Variants in PDE3A observed in about 807,000 individuals in gnomAD.
PDE3A encodes cGMP-inhibited 3',5'-cyclic phosphodiesterase 3A.
PDE3A carries 43 observed loss-of-function variants against 98.3 expected under a neutral mutation model. The ratio of observed to expected loss-of-function variants is 0.44; its 90% CI spans 0.34 to 0.56. The LOEUF (loss-of-function observed/expected upper bound fraction) is 0.56, where lower values mean the gene tolerates loss of function less well. PDE3A is among the 20% of genes least tolerant of loss of function. PDE3A has a pLI of 0.01. For synonymous variants in PDE3A, 663 were observed against 567.9 expected, an observed-to-expected ratio of 1.17 and a Z score of -2.38; for missense variants, 1,427 against 1,440.7, an observed-to-expected ratio of 0.99 and a Z score of 0.15.
intron 1 of PDE3A, among the ~76,000 whole-genome samples, chr12:20,395,535 A>T (rs1441400885): frequency 6.1e-5 from 9 of 147,552 alleles, no homozygotes; most frequent in Non-Finnish European, 1.3e-4. Context: ...CACATAGTAT[A>T]ATATGTATAC....
chr12:20,581,609 TTCTTTTC>T (rs1315179419), intron 2 of PDE3A, among the ~76,000 whole-genome samples: 4 of 92,974 alleles, frequency 4.3e-5, no homozygotes, highest in East Asian at 3.6e-4. Flanking sequence ...TAGATTTCTT[TTCTTTTC>T]TTTTTTTTTT....
At chr12:20,441,785 C>T (rs978823430) in intron 1 of PDE3A, among the ~76,000 whole-genome samples, 4 of 152,164 alleles carry the variant, frequency 2.6e-5, no homozygotes, top group Non-Finnish European at 5.9e-5. Flanking sequence ...ACCCATCCCT[C>T]TCTTCAACCC....
chr12:20,404,439 C>T (rs1944192743), intron 1 of PDE3A, among the ~76,000 whole-genome samples: 1 of 152,034 alleles, frequency 6.6e-6, no homozygotes, highest in Non-Finnish European at 1.5e-5. Flanking sequence ...AAAGGGACAA[C>T]TTTGGTAATT....
At chr12:20,583,107 G>C (rs1711584017) in intron 2 of PDE3A, among the ~76,000 whole-genome samples, 1 of 152,006 alleles carries the variant, frequency 6.6e-6, no homozygotes, top group Non-Finnish European at 1.5e-5. Flanking sequence ...TAGCTGGTTT[G>C]TTTTCCCTCA....
chr12:20,510,675 T>C (rs569568748), intron 1 of PDE3A, among the ~76,000 whole-genome samples: 127 of 152,086 alleles, frequency 8.4e-4, no homozygotes, highest in African/African-American at 3.0e-3. Flanking sequence ...CAACATGGGG[T>C]AGAGATGAAT....
chr12:20,458,357 C>T (rs754362065), intron 1 of PDE3A, among the ~76,000 whole-genome samples: 3 of 149,648 alleles, frequency 2.0e-5, no homozygotes, highest in African/African-American at 7.4e-5. Flanking sequence ...TCAGTTTTAT[C>T]GAGGTATATA....
intron 15 of PDE3A, among the ~76,000 whole-genome samples, chr12:20,665,091 G>T (rs535949556): frequency 6.6e-6 from 1 of 152,064 alleles, no homozygotes; most frequent in South Asian, 2.1e-4. Flanking sequence ...TGTACCAACT[G>T]GGCCATCTCC....
At chr12:20,575,855 G>A (rs1242306432) in intron 2 of PDE3A, among the ~76,000 whole-genome samples, 1 of 151,604 alleles carries the variant, frequency 6.6e-6, no homozygotes, top group African/African-American at 2.4e-5. Context: ...TTATGCACCT[G>A]ATTGAAATAA....
intron 3 of PDE3A, among the ~76,000 whole-genome samples, chr12:20,615,375 T>C (rs2121461109): frequency 6.6e-6 from 1 of 152,026 alleles, no homozygotes; most frequent in East Asian, 1.9e-4. Flanking sequence ...TTAAGAGGAG[T>C]TGACACTGAT....
chr12:20,661,385 G>A (rs1015740335), intron 15 of PDE3A, among the ~76,000 whole-genome samples: 6 of 152,194 alleles, frequency 3.9e-5, no homozygotes, highest in Admixed American at 2.6e-4. Flanking sequence ...AAATCCAAGC[G>A]AGCTGCAGAA....
chr12:20,589,439 C>T (rs990781084), intron 2 of PDE3A, among the ~76,000 whole-genome samples: 1 of 152,064 alleles, frequency 6.6e-6, no homozygotes, highest in South Asian at 2.1e-4. Context: ...TTCTTCCTAA[C>T]CTTCATCTGA....
In PDE3A at chr12:20,382,191, T is replaced by G. The variant is rs192046248; in HGVS notation, c.960+11947T>G. On this transcript the variant is annotated intron_variant, in intron 1 of 15. Coordinates refer to ENST00000359062, the MANE Select transcript of PDE3A (RefSeq NM_000921.5). ...TTCCAGATACTCTGATTTAGTTAAG[T>G]GTAGAGTGGGATCCTGAAATCTGTG... Among the ~76,000 whole-genome samples, 19 of 151,960 alleles carry G rather than the reference T, an allele frequency of 1.3e-4. No homozygotes were observed. In the East Asian group the frequency reaches 3.5e-3, roughly 28 times the overall value.
chr12:20,537,826 G>A (rs1941786821), intron 1 of PDE3A, among the ~76,000 whole-genome samples: 2 of 146,836 alleles, frequency 1.4e-5, no homozygotes, highest in East Asian at 4.1e-4. Context: ...TACCTGGCTT[G>A]TAGGACTATC....
intron 1 of PDE3A, among the ~76,000 whole-genome samples, chr12:20,372,545 G>A (rs767783251): frequency 2.6e-5 from 4 of 152,022 alleles, no homozygotes; most frequent in African/African-American, 7.2e-5. Context: ...TCTCATATAC[G>A]TTAGCCTTAC....
rs1483842205 is a variant in PDE3A, at chr12:20,672,181, C to G, written c.3185-7849C>G. Among the ~76,000 whole-genome samples, 10 of 148,694 alleles carry G rather than the reference C, an allele frequency of 6.7e-5. 1 individual carries two copies. The highest frequency in any genetic ancestry group is 2.5e-4 in the African/African-American group (10 of 39,914). ...CTTCAAGGAGAACTACAAACCACTG[C>G]TCAAGGAAATAAAAGAGGATAAAAA... On this transcript the variant is annotated intron_variant, in intron 15 of 15. Coordinates refer to ENST00000359062, the MANE Select transcript of PDE3A (RefSeq NM_000921.5).
intron 2 of PDE3A, among the ~76,000 whole-genome samples, chr12:20,559,577 A>G (rs973092360): frequency 6.6e-6 from 1 of 151,740 alleles, no homozygotes; most frequent in African/African-American, 2.4e-5. Context: ...AGGTTGAGAC[A>G]GGAGAATCTC....
At chr12:20,621,758 G>C (rs925303132) in intron 5 of PDE3A, among the ~76,000 whole-genome samples, 2 of 151,890 alleles carry the variant, frequency 1.3e-5, no homozygotes, top group South Asian at 4.1e-4. Context: ...TTATTTTTCA[G>C]GAGTATGATA....
intron 1 of PDE3A, among the ~76,000 whole-genome samples, chr12:20,437,300 A>G (rs1025263195): frequency 6.6e-6 from 1 of 152,222 alleles, no homozygotes; most frequent in African/African-American, 2.4e-5. Context: ...CATCAGACTC[A>G]GCCTTCATTC....
At chr12:20,383,081 T>G (rs2120553736) in intron 1 of PDE3A, among the ~76,000 whole-genome samples, 1 of 151,980 alleles carries the variant, frequency 6.6e-6, no homozygotes, top group African/African-American at 2.4e-5. Flanking sequence ...CTTCGGGTGC[T>G]TCATTGAAAA....
Sources: allele counts gnomAD v4.1 joint callset (sites outside exome capture counted in the v4.1 genomes callset), GRCh38; gene constraint gnomAD v4.1.1; transcripts MANE v1.5; gene names NCBI Gene and HGNC (gene_info 2026-07-23, HGNC 2026-07-21).